Variants in OPCML observed in about 807,000 individuals in gnomAD.
OPCML encodes opioid binding protein/cell adhesion molecule like.
Under a neutral mutation model 37.8 loss-of-function variants are expected in OPCML, and 13 were observed. The observed-to-expected ratio is 0.34, with a 90% confidence interval of 0.22 to 0.55. The LOEUF (loss-of-function observed/expected upper bound fraction) is 0.55, where lower values mean the gene tolerates loss of function less well. Among genes scored for constraint, OPCML ranks in the 20% least tolerant of loss-of-function variants. The pLI is 0.91. For missense variants in OPCML, 341 were observed against 435.6 expected, an observed-to-expected ratio of 0.78 and a Z score of 1.93; for synonymous variants, 176 against 168.8, an observed-to-expected ratio of 1.04 and a Z score of -0.33.
chr11:132,798,321 T>G (rs1371906008), intron 2 of OPCML, among the ~76,000 whole-genome samples: 1 of 152,196 alleles, frequency 6.6e-6, no homozygotes, highest in Non-Finnish European at 1.5e-5. Flanking sequence ...TCCACCCGCC[T>G]CAGCCTCCCA....
At chr11:133,056,072 T>G (rs1439184588) in intron 1 of OPCML, among the ~76,000 whole-genome samples, 1 of 152,242 alleles carries the variant, frequency 6.6e-6, no homozygotes, top group Non-Finnish European at 1.5e-5. Context: ...AGAGAATATT[T>G]AAATATTTGG....
chr11:133,346,778 T>C (rs1279329980), intron 1 of OPCML, among the ~76,000 whole-genome samples: 1 of 152,180 alleles, frequency 6.6e-6, no homozygotes, highest in Non-Finnish European at 1.5e-5. Flanking sequence ...CTCTGAAAAT[T>C]CATCTATATA....
chr11:133,489,849 TA>T (rs1591557365), intron 1 of OPCML, among the ~76,000 whole-genome samples: 2 of 141,616 alleles, frequency 1.4e-5, no homozygotes, highest in East Asian at 2.0e-4. Flanking sequence ...TATATATATA[TA>T]TATTTTTTTA....
At chr11:133,413,488 T>A (rs904884343) in intron 1 of OPCML, among the ~76,000 whole-genome samples, 5 of 146,700 alleles carry the variant, frequency 3.4e-5, no homozygotes, top group African/African-American at 1.2e-4. Flanking sequence ...TAATAAAAAA[T>A]AAATAAATAA....
intron 7 of OPCML, among the ~76,000 whole-genome samples, chr11:132,431,456 G>T (rs920537782): frequency 1.3e-5 from 2 of 152,222 alleles, no homozygotes; most frequent in African/African-American, 4.8e-5. Flanking sequence ...AAGGAAAGTG[G>T]GTGGTCTAAA....
chr11:132,742,274 CT>C (rs1352068943), intron 2 of OPCML, among the ~76,000 whole-genome samples: 1 of 152,130 alleles, frequency 6.6e-6, no homozygotes, highest in East Asian at 1.9e-4. Flanking sequence ...TGTTGAAACC[CT>C]AAGCACCAAT....
chr11:132,435,950 G>A (rs1378741976), intron 7 of OPCML, 136 bp downstream of exon 7: 14 of 742,070 alleles, frequency 1.9e-5, no homozygotes, highest in Admixed American at 6.5e-5. Flanking sequence ...GCAGGGAGAA[G>A]TATGTCTTAT....
chr11:132,443,521 C>T (rs184261216), intron 4 of OPCML, among the ~76,000 whole-genome samples: 31 of 152,324 alleles, frequency 2.0e-4, no homozygotes, highest in South Asian at 8.3e-4. Flanking sequence ...AGGTGATTGA[C>T]GACCAAGTGC....
intron 2 of OPCML, among the ~76,000 whole-genome samples, chr11:132,877,426 T>C (rs1452038670): frequency 6.6e-6 from 1 of 152,236 alleles, no homozygotes; most frequent in Non-Finnish European, 1.5e-5. Context: ...CACTGGAGTC[T>C]GGCCCTAGCT....
chr11:133,492,477 G>A (rs1435452422), intron 1 of OPCML, among the ~76,000 whole-genome samples: 2 of 152,182 alleles, frequency 1.3e-5, no homozygotes, highest in Non-Finnish European at 1.5e-5. Context: ...ATGAAGATTT[G>A]AGGCTAAAAT....
chr11:132,787,823 C>T (rs1029306926), intron 2 of OPCML, among the ~76,000 whole-genome samples: 14 of 152,120 alleles, frequency 9.2e-5, no homozygotes, highest in Admixed American at 3.3e-4. Flanking sequence ...GGCCCAAATT[C>T]GCTTTGTATT....
intron 1 of OPCML, among the ~76,000 whole-genome samples, chr11:133,052,795 A>G (rs1460133415): frequency 1.3e-5 from 2 of 152,238 alleles, no homozygotes; most frequent in Non-Finnish European, 2.9e-5. Context: ...ATGATCTGCT[A>G]GACGCCAGCA....
Position 133,371,493 on chromosome 11 carries a change from G to A in OPCML, c.61+160771C>T, listed in dbSNP as rs539370632. Among the ~76,000 whole-genome samples, 10 of 152,278 alleles carry A rather than the reference G, an allele frequency of 6.6e-5. No homozygotes were observed. The South Asian group carries it at 2.1e-3, about 32-fold the overall frequency. On this transcript the variant is annotated intron_variant, in intron 1 of 7. Transcript: ENST00000524381. Reference sequence around the variant, plus strand: ...GTGTTGAGGGAGGGAACTGATGGGAGGTGGTTGGATCATGGGGGCAGTTTC... The same window carrying A: ...GTGTTGAGGGAGGGAACTGATGGGAAGTGGTTGGATCATGGGGGCAGTTTC...
chr11:132,459,460 CTA>C (rs1301333193), intron 4 of OPCML, among the ~76,000 whole-genome samples: 9 of 147,310 alleles, frequency 6.1e-5, no homozygotes, highest in Middle Eastern at 3.6e-3. Context: ...TATCTACTTC[CTA>C]TATATATATC....
chr11:133,082,278 T>C (rs1948735755), intron 1 of OPCML, among the ~76,000 whole-genome samples: 1 of 151,674 alleles, frequency 6.6e-6, no homozygotes, highest in South Asian at 2.1e-4. Context: ...CGCTGGAGTC[T>C]TGGGGCCTTG....
intron 2 of OPCML, among the ~76,000 whole-genome samples, chr11:132,857,582 T>A (rs1942106592): frequency 6.6e-6 from 1 of 152,204 alleles, no homozygotes; most frequent in South Asian, 2.1e-4. Flanking sequence ...TTTACATACT[T>A]AAAAATATAT....
At chr11:133,140,985 A>AGAAGAC (rs1949800134) in intron 1 of OPCML, among the ~76,000 whole-genome samples, 1 of 3,718 alleles carries the variant, frequency 2.7e-4, no homozygotes, top group African/African-American at 5.0e-4. Flanking sequence ...AAGAAGAAGA[A>AGAAGAC]GAAGAAGAAG....
In OPCML at chr11:132,944,742, T is replaced by G. The variant is rs189748381; in HGVS notation, c.62-1732A>C. On this transcript the variant is annotated intron_variant, in intron 1 of 7. Coordinates refer to ENST00000524381, the MANE Select transcript of OPCML (RefSeq NM_001012393.5). ...TTTCTTTGGTCTCGGATTTGTCTCT[T>G]TCTGCTCTAAACCCCAGAGCTCCGC... 2.5e-4 allele frequency among the ~76,000 whole-genome samples: 38 copies of G among 152,246 alleles called. No individual in the cohort carries two copies. In the East Asian group the frequency reaches 5.8e-3, roughly 23 times the overall value.
At chr11:133,161,808 T>A (rs1042847335) in intron 1 of OPCML, among the ~76,000 whole-genome samples, 8 of 152,136 alleles carry the variant, frequency 5.3e-5, no homozygotes, top group African/African-American at 1.9e-4. Flanking sequence ...AATGCATCTA[T>A]AACCAAGTAT....
Sources: allele counts gnomAD v4.1 joint callset (sites outside exome capture counted in the v4.1 genomes callset), GRCh38; gene constraint gnomAD v4.1.1; transcripts MANE v1.5; gene names NCBI Gene and HGNC (gene_info 2026-07-23, HGNC 2026-07-21).